WNT11: variants seen among roughly 807,000 people sequenced by gnomAD.
WNT11 encodes protein Wnt-11.
In WNT11, 20 loss-of-function variants were observed where a neutral mutation model predicts 35.6. The observed-to-expected ratio is 0.56, with a 90% CI of 0.40 to 0.82. The LOEUF (loss-of-function observed/expected upper bound fraction) is 0.82. Among genes scored for constraint, WNT11 ranks in the 40% least tolerant of loss-of-function variants. The probability of loss-of-function intolerance (pLI) is 0.00; values close to 1 mark genes in which losing one functional copy is unlikely to be tolerated. For missense variants in WNT11, 459 were observed against 504.4 expected (o/e 0.91, Z 0.86); for synonymous variants, 200 against 211.9 (o/e 0.94, Z 0.49).
At position 76,196,605 on chromosome 11, in the gene WNT11, A is replaced by G. The variant is rs780479537; in HGVS notation, c.197T>C (p.Met66Thr). The G allele has an allele frequency of 2.0e-5, 33 of 1,613,536 alleles. No homozygotes were observed. The highest frequency in any genetic ancestry group is 2.3e-5 in the Non-Finnish European group (27 of 1,180,046). ...GCGGGCGGCGTGCACCACCGTGTGCATGAGCTCCAGGTTGCTGCGGCACAG... is the reference window on the plus strand; with the variant it reads ...GCGGGCGGCGTGCACCACCGTGTGCGTGAGCTCCAGGTTGCTGCGGCACAG... ...VQLCRSNLEL[M>T]HTVVHAAREV... The change falls in exon 2 of 5, where the codon ATG (methionine) becomes ACG (threonine). Residue 66 changes from methionine (M) to threonine (T), a missense_variant. Transcript: ENST00000322563.
intron 1 of WNT11, among the ~76,000 whole-genome samples, chr11:76,202,285 A>G (rs1262045121): frequency 6.6e-6 from 1 of 152,086 alleles, no homozygotes; most frequent in Non-Finnish European, 1.5e-5. Context: ...TGGGATGAGG[A>G]GGATGCTGAT....
Position 76,196,514 on chromosome 11 carries a change from G to A in WNT11, c.288C>T (p.Leu96=), listed in dbSNP as rs773906030. 17 of 1,613,440 alleles carry A rather than the reference G, an allele frequency of 1.1e-5. No individual in the cohort carries two copies. Among genetic ancestry groups the A allele is most frequent in the South Asian group, 3.3e-5 (3 of 91,080 alleles). ...CCAGGTCAAGCAAATAGTTGGGGGCGAGCTCAATGGAGGAGCAGTTCCAGC... is the reference window on the plus strand; with the variant it reads ...CCAGGTCAAGCAAATAGTTGGGGGCAAGCTCAATGGAGGAGCAGTTCCAGC... The part of the protein sequence containing the change: ...DMRWNCSSIE[L]APNYLLDLER... The change falls in exon 2 of 5, where the codon CTC becomes CTT. Residue 96 remains leucine (L), a synonymous_variant. Coordinates refer to ENST00000322563, the MANE Select transcript of WNT11 (RefSeq NM_004626.3).
At chr11:76,200,820 C>T (rs548196182) in intron 1 of WNT11, among the ~76,000 whole-genome samples, 21 of 152,362 alleles carry the variant, frequency 1.4e-4, no homozygotes, top group South Asian at 6.2e-4. Context: ...AGAAGGACAA[C>T]GTGGGCGACA....
At position 76,194,518 on chromosome 11, in the gene WNT11, C is replaced by G. The variant is rs1016729451; in HGVS notation, c.597+49G>C. The G allele has an allele frequency of 1.9e-5, 28 of 1,497,778 alleles. No homozygotes were observed. The African/African-American group carries it at 3.8e-4, about 20-fold the overall frequency. 92.8% of individuals were successfully genotyped at this position (1,497,778 alleles called of 1,614,324 possible). ...GGCAAGCTGGGTGGCCCTTTTCTGG[C>G]CAATGGCACAAGCACAACTATCTGG... On this transcript the variant is annotated intron_variant, in intron 3 of 4. Coordinates refer to ENST00000322563, the MANE Select transcript of WNT11 (RefSeq NM_004626.3). This position sits in a 1 kb window ranked among gnomAD's most constrained non-coding sequence, Gnocchi z 5.4.
At position 76,194,737 on chromosome 11, in the gene WNT11, C is replaced by G; in HGVS notation, c.427G>C (p.Val143Leu). 3 of 1,550,836 alleles carry G rather than the reference C, an allele frequency of 1.9e-6. No homozygotes were observed. The highest frequency in any genetic ancestry group is 2.6e-6 in the Non-Finnish European group (3 of 1,147,584). ...GDLPGCSCGP[V>L]PGEPPGPGNR... Reference sequence around the variant, plus strand: ...CCGGGCCCGGGTGGCTCACCTGGGACGGGGCCGCAGGAGCAGCCGGGCAGG... The same window carrying G: ...CCGGGCCCGGGTGGCTCACCTGGGAGGGGGCCGCAGGAGCAGCCGGGCAGG... Residue 143 changes from valine to leucine, a missense_variant, in exon 3 of 5, where the codon GTC becomes CTC. By Grantham distance (32) the Val-to-Leu change is conservative (BLOSUM62 1). Transcript: ENST00000322563. This position sits in a 1 kb window ranked among gnomAD's most constrained non-coding sequence, Gnocchi z 5.4.
chr11:76,196,234 G>C (rs373955046), intron 2 of WNT11, among the ~76,000 whole-genome samples: 5 of 152,144 alleles, frequency 3.3e-5, no homozygotes, highest in African/African-American at 9.7e-5. Flanking sequence ...TGCTGTCCAG[G>C]CTCCCCTGTG....
Position 76,196,697 on chromosome 11 carries a change from C to G in WNT11, c.105G>C (p.Ser35=). 1 of 1,611,132 alleles carries G rather than the reference C, an allele frequency of 6.2e-7. No individual in the cohort carries two copies. Among genetic ancestry groups the G allele is most frequent in the Admixed American group, 1.7e-5 (1 of 59,728 alleles). Residue 35 remains serine (S), a synonymous_variant, in exon 2 of 5, where the codon TCG becomes TCC. Coordinates refer to ENST00000322563, the MANE Select transcript of WNT11 (RefSeq NM_004626.3). The part of the protein sequence containing the change: ...IKWLALSKTP[S]ALALNQTQHC... The stretch of plus-strand genomic sequence containing the variant: ...GTTGCGTCTGGTTCAGTGCCAGGGC[C>G]GATGGTGTCTTGGACAGCGCCCTGC...
chr11:76,193,242 C>A (rs1457816541), intron 3 of WNT11, among the ~76,000 whole-genome samples: 1 of 152,256 alleles, frequency 6.6e-6, no homozygotes, highest in Non-Finnish European at 1.5e-5. Context: ...TTAATCCTCA[C>A]GCAGCCCTGC....
chr11:76,207,796 C>T (rs1272795797), upstream of WNT11, among the ~76,000 whole-genome samples: 2 of 152,090 alleles, frequency 1.3e-5, no homozygotes, highest in African/African-American at 4.8e-5. Context: ...GCCCCGCCCG[C>T]CCGCAGCCCG....
In WNT11 at chr11:76,186,691, C is replaced by T. The variant is rs1458101583; in HGVS notation, c.*374G>A. The stretch of plus-strand genomic sequence containing the variant: ...CCCCAGGGTGGGCCAGGGGGTCCCG[C>T]AGAACATTCTGAAGAAGGCGGGCAG... On this transcript the variant is annotated 3_prime_UTR_variant, in exon 5 of 5. Coordinates refer to ENST00000322563, the MANE Select transcript of WNT11 (RefSeq NM_004626.3). The T allele has an allele frequency of 1.1e-5, 4 of 370,400 alleles. No individual in the cohort carries two copies. The highest frequency in any genetic ancestry group is 6.3e-5 in the African/African-American group (3 of 47,498). The allele number at this position is 370,400 out of a possible 1,614,324, so 22.9% of individuals were successfully genotyped here.
upstream of WNT11, chr11:76,210,681 G>A (rs545262001): frequency 5.3e-5 from 52 of 985,060 alleles, no homozygotes; most frequent in South Asian, 1.9e-3. Flanking sequence ...CGCGGACTCC[G>A]GCTGCTCTCT....
intron 4 of WNT11, among the ~76,000 whole-genome samples, chr11:76,189,504 T>C (rs1157477997): frequency 6.6e-6 from 1 of 152,158 alleles, no homozygotes; most frequent in Non-Finnish European, 1.5e-5. Flanking sequence ...GGCCTTGGTT[T>C]CCCCAGGTTA....
At chr11:76,205,608 T>TA (rs1309192995) in intron 1 of WNT11, among the ~76,000 whole-genome samples, 1 of 152,040 alleles carries the variant, frequency 6.6e-6, no homozygotes, top group East Asian at 1.9e-4. Context: ...TCTCTCAACT[T>TA]AGAGCGCAGC....
chr11:76,210,256 C>T, upstream of WNT11: 1 of 257,606 alleles, frequency 3.9e-6, no homozygotes, highest in Non-Finnish European at 6.1e-6. Context: ...CTAAACCCCG[C>T]GTCCCCAGGC....
chr11:76,208,016 C>T (rs1436941907), upstream of WNT11, among the ~76,000 whole-genome samples: 1 of 152,106 alleles, frequency 6.6e-6, no homozygotes, highest in Non-Finnish European at 1.5e-5. Flanking sequence ...GTAGTGGGGG[C>T]GCTGGAGCAG....
upstream of WNT11, among the ~76,000 whole-genome samples, chr11:76,207,778 G>A (rs1223336302): frequency 2.6e-5 from 4 of 152,276 alleles, no homozygotes; most frequent in Non-Finnish European, 5.9e-5. Context: ...GGCCGCGGAG[G>A]AGAGGCTGCC....
upstream of WNT11, chr11:76,210,753 G>T (rs1953562066): frequency 4.7e-6 from 4 of 856,742 alleles, no homozygotes; most frequent in South Asian, 2.1e-4. Flanking sequence ...CTCGCCTGGC[G>T]CGATCTCCGG....
intron 1 of WNT11, among the ~76,000 whole-genome samples, chr11:76,205,574 A>T (rs776630752): frequency 6.4e-4 from 98 of 151,992 alleles, no homozygotes; most frequent in Admixed American, 1.5e-3. Flanking sequence ...ACACTTGTGG[A>T]GTTATTTACA....
At chr11:76,203,644 C>A (rs1953423008) in intron 1 of WNT11, among the ~76,000 whole-genome samples, 1 of 152,172 alleles carries the variant, frequency 6.6e-6, no homozygotes, top group Admixed American at 6.5e-5. Flanking sequence ...CCTCTATGGG[C>A]AGCCAGGTTC....
Sources: allele counts gnomAD v4.1 joint callset (sites outside exome capture counted in the v4.1 genomes callset), GRCh38; gene constraint gnomAD v4.1.1; non-coding constraint Gnocchi (gnomAD v3.1); transcripts MANE v1.5; gene names NCBI Gene and HGNC (gene_info 2026-07-23, HGNC 2026-07-21).